The following RIOK1 variants were observed in gnomAD, a reference collection of about 807,000 sequenced individuals.
RIOK1 encodes serine/threonine-protein kinase RIO1.
RIOK1 carries 66 observed loss-of-function variants against 73.5 expected under a neutral mutation model. That is an observed-to-expected ratio of 0.90 (90% CI 0.74 to 1.10). The LOEUF (loss-of-function observed/expected upper bound fraction) is 1.10. Ranked by LOEUF, RIOK1 falls within the 50% of genes least tolerant of loss-of-function variation. RIOK1 has a pLI of 0.00. For synonymous variants in RIOK1, 224 were observed against 226.8 expected (o/e 0.99, Z 0.11); for missense variants, 658 against 699.8 (o/e 0.94, Z 0.67).
chr6:7,393,486 G>A (rs935936114), intron 2 of RIOK1, among the ~76,000 whole-genome samples, 183 bp downstream of exon 2: 3 of 152,034 alleles, frequency 2.0e-5, no homozygotes, highest in Non-Finnish European at 4.4e-5. Context: ...AATTTCCTGG[G>A]TGTGGATTCT....
At position 7,404,534 on chromosome 6, in the gene RIOK1, A is replaced by T; in HGVS notation, c.971A>T (p.Asp324Val). The T allele has an allele frequency of 6.2e-7, 1 of 1,614,134 alleles. No homozygotes were observed. The highest frequency in any genetic ancestry group is 8.5e-7 in the Non-Finnish European group (1 of 1,180,008). ...MYQDARLVHA[D>V]LSEFNMLYHG... ...CAGGATGCCAGACTTGTCCATGCAG[A>T]TCTCAGTGAATTTAACATGCTGTGA... The change falls in exon 10 of 17, where the codon GAT becomes GTT. Residue 324 changes from aspartate to valine, a missense_variant. Transcript: ENST00000379834.
chr6:7,392,327 A>G (rs1453482036), intron 1 of RIOK1, among the ~76,000 whole-genome samples: 4 of 149,766 alleles, frequency 2.7e-5, no homozygotes, highest in East Asian at 2.0e-4. Flanking sequence ...CCCCACTTCT[A>G]TTGTGCAGCC....
intron 4 of RIOK1, among the ~76,000 whole-genome samples, chr6:7,397,051 GCCAGGAGTTTGAGA>G (rs1761493805): frequency 6.6e-6 from 1 of 152,084 alleles, no homozygotes; most frequent in South Asian, 2.1e-4. Flanking sequence ...ATCACTTGAG[GCCAGGAGTTTGAGA>G]CCAGCCTGGC....
At position 7,414,407 on chromosome 6, in the gene RIOK1, C is replaced by T; in HGVS notation, c.1596+17C>T. On this transcript the variant is annotated intron_variant, in intron 16 of 16. Transcript: ENST00000379834. ...GATAAAAAAGTAAGCAATGAAATAC[C>T]TTCCCCTTTTCTTTAGTGTGGGAGC... 2 of 1,592,344 alleles carry T rather than the reference C, an allele frequency of 1.3e-6. No individual in the cohort carries two copies. The highest frequency in any genetic ancestry group is 1.4e-5 in the African/African-American group (1 of 73,816).
At chr6:7,404,308 C>G in intron 9 of RIOK1, 110 bp from the exon 10 acceptor site, 1 of 1,268,380 alleles carries the variant, frequency 7.9e-7, no homozygotes, top group African/African-American at 1.5e-5. Context: ...GACAGATTGT[C>G]CCACATACAG....
In RIOK1 at chr6:7,417,406, A is replaced by G; in HGVS notation, c.1672A>G (p.Lys558Glu). 6.4e-7 allele frequency: 1 copy of G among 1,569,622 alleles called. No homozygotes were observed. Among genetic ancestry groups the G allele is most frequent in the Non-Finnish European group, 8.6e-7 (1 of 1,156,548 alleles). ...AATTCCTAAACATGTGAAAAAAAGA[A>G]AGGAGAAGACAGCCAAGACGAAAAA... ...NKIPKHVKKR[K>E]EKTAKTKKGK Residue 558 changes from lysine to glutamate, a missense_variant, in exon 17 of 17, where the codon AAG becomes GAG. Physicochemically the swap from Lys to Glu is moderately conservative, Grantham distance 56. Transcript: ENST00000379834.
At chr6:7,390,855 G>C (rs1483806408) in intron 1 of RIOK1, among the ~76,000 whole-genome samples, 1 of 152,214 alleles carries the variant, frequency 6.6e-6, no homozygotes, top group Non-Finnish European at 1.5e-5. Context: ...TATTTGCTTG[G>C]TGATTTAAAG....
chr6:7,397,487 CTG>C (rs1433575772), intron 4 of RIOK1, among the ~76,000 whole-genome samples: 1 of 152,168 alleles, frequency 6.6e-6, no homozygotes, highest in African/African-American at 2.4e-5. Context: ...AATGATATAA[CTG>C]AGAACTGTTT....
chr6:7,393,394 T>C, intron 2 of RIOK1, 91 bp downstream of exon 2: 2 of 1,052,506 alleles, frequency 1.9e-6, no homozygotes, highest in Non-Finnish European at 1.5e-6. Context: ...ATTGAATAAC[T>C]AAAAGATTTT....
rs1200136806 is a variant in RIOK1, at chr6:7,404,032, G to A, written c.854+5G>A. The A allele has an allele frequency of 3.8e-6, 6 of 1,576,128 alleles. No homozygotes were observed. The highest frequency in any genetic ancestry group is 1.3e-5 in the African/African-American group (1 of 74,134). Reference sequence around the variant, plus strand: ...TTTCATCGGTAAAGATGACATGTAAGTACATGGAAGGGCTAATAATTGCAT... The same window carrying A: ...TTTCATCGGTAAAGATGACATGTAAATACATGGAAGGGCTAATAATTGCAT... On this transcript the variant is annotated splice_donor_5th_base_variant and intron_variant, in intron 9 of 16. Coordinates refer to ENST00000379834, the MANE Select transcript of RIOK1 (RefSeq NM_031480.3).
chr6:7,392,196 C>G (rs988645793), intron 1 of RIOK1, among the ~76,000 whole-genome samples: 3 of 147,208 alleles, frequency 2.0e-5, no homozygotes, highest in African/African-American at 5.0e-5. Context: ...TACAGCTTCA[C>G]TTGAAAAATT....
At chr6:7,394,675 A>G (rs1333587461) in intron 2 of RIOK1, among the ~76,000 whole-genome samples, 2 of 152,182 alleles carry the variant, frequency 1.3e-5, no homozygotes, top group African/African-American at 4.8e-5. Context: ...CCAAAATGAA[A>G]TTCTGAACCA....
At chr6:7,391,866 T>C (rs928432169) in intron 1 of RIOK1, among the ~76,000 whole-genome samples, 6 of 152,224 alleles carry the variant, frequency 3.9e-5, no homozygotes, top group African/African-American at 1.4e-4. Context: ...GGAGCATATG[T>C]ATGAAGTCCT....
At position 7,404,459 on chromosome 6, in the gene RIOK1, A is replaced by G; in HGVS notation, c.896A>G (p.Lys299Arg). The G allele has an allele frequency of 6.8e-6, 11 of 1,614,156 alleles. No homozygotes were observed. The highest frequency in any genetic ancestry group is 9.3e-6 in the Non-Finnish European group (11 of 1,180,010). The change falls in exon 10 of 17, where the codon AAG (lysine) becomes AGG (arginine). Residue 299 changes from lysine to arginine, a missense_variant. By Grantham distance (26) the Lys-to-Arg change is conservative. Transcript: ENST00000379834. ...LLKNVQLSESKARELYLQVIQ... is the reference protein window; with the variant it reads ...LLKNVQLSESRARELYLQVIQ... The stretch of plus-strand genomic sequence containing the variant: ...AAAAATGTCCAGTTATCAGAATCCA[A>G]GGCTCGGGAGTTGTACCTGCAGGTC...
At chr6:7,394,724 G>A (rs777086697) in intron 2 of RIOK1, among the ~76,000 whole-genome samples, 8 of 151,960 alleles carry the variant, frequency 5.3e-5, no homozygotes, top group Non-Finnish European at 8.8e-5. Context: ...TATACTTTGG[G>A]GGTAAATGAA....
At chr6:7,404,381 GTT>G (rs1189877402) in intron 9 of RIOK1, 35 bp from the exon 10 acceptor site, 2 of 1,610,732 alleles carry the variant, frequency 1.2e-6, no homozygotes, top group Non-Finnish European at 1.7e-6. Flanking sequence ...AAGAAAACTT[GTT>G]CTTGGTCATT....
At chr6:7,408,705 C>A (rs964584258) in intron 12 of RIOK1, among the ~76,000 whole-genome samples, 1 of 151,750 alleles carries the variant, frequency 6.6e-6, no homozygotes, top group East Asian at 1.9e-4. Flanking sequence ...TAACTTAGCA[C>A]TGACTTTCTT....
intron 3 of RIOK1, among the ~76,000 whole-genome samples, chr6:7,396,476 A>G (rs1354372398): frequency 6.6e-6 from 1 of 152,198 alleles, no homozygotes; most frequent in African/African-American, 2.4e-5. Flanking sequence ...CTGTGGCTCA[A>G]ATATTATAGC....
chr6:7,401,942 G>A lies in RIOK1; in HGVS notation c.574-661G>A, dbSNP rs756987803. Among the ~76,000 whole-genome samples the A allele has an allele frequency of 2.1e-4, 32 of 152,128 alleles. 1 individual carries two copies. Among genetic ancestry groups the A allele is most frequent in the Non-Finnish European group, 4.3e-4 (29 of 68,020 alleles). On this transcript the variant is annotated intron_variant, in intron 6 of 16. Transcript: ENST00000379834. Reference sequence around the variant, plus strand: ...GATTCACCCGCCTTGGCCTCCCAAAGTGCTGCTATTACAGGCATGAGCCTC... The same window carrying A: ...GATTCACCCGCCTTGGCCTCCCAAAATGCTGCTATTACAGGCATGAGCCTC...
Sources: gnomAD v4.1 joint callset for allele counts (sites outside exome capture counted in the v4.1 genomes callset) on GRCh38, gnomAD v4.1.1 for gene constraint, MANE v1.5 for transcripts, NCBI Gene and HGNC (gene_info 2026-07-23, HGNC 2026-07-21) for gene names.